The following USP37 variants were observed in gnomAD, a reference collection of about 807,000 sequenced individuals.
USP37 encodes the protein ubiquitin specific peptidase 37, also known as ubiquitin carboxyl-terminal hydrolase 37.
USP37 carries 27 observed loss-of-function variants against 124.0 expected under a neutral mutation model. The ratio of observed to expected loss-of-function variants is 0.22; its 90% CI spans 0.16 to 0.30. The LOEUF is 0.30. Among genes scored for constraint, USP37 ranks in the 10% least tolerant of loss-of-function variants. The probability of loss-of-function intolerance (pLI) is 1.00; values close to 1 mark genes in which losing one functional copy is unlikely to be tolerated. For missense variants in USP37, 889 were observed against 1,140.4 expected (o/e 0.78, Z 3.17); for synonymous variants, 365 against 388.0 (o/e 0.94, Z 0.70).
rs757791848 is a variant in USP37 at position 218,488,399 on chromosome 2, T to C, written c.1495A>G (p.Arg499Gly). ...CKACGEIIPK[R>G]EQFNDLSIDL... ...ATAGAGAGGTCATTAAACTGTTCTC[T>C]TTTGGGGATAATCTCTCCACATCTG... Residue 499 changes from arginine (R) to glycine (G), a missense_variant, in exon 15 of 26, where the codon AGA (arginine) becomes GGA (glycine). Arg to Gly is a moderately radical substitution (Grantham distance 125, BLOSUM62 -2). Transcript: ENST00000258399. 3 of 1,609,986 alleles carry C rather than the reference T, an allele frequency of 1.9e-6. No individual in the cohort carries two copies. The highest frequency in any genetic ancestry group is 2.5e-6 in the Non-Finnish European group (3 of 1,178,260).
At chr2:218,491,314 A>G (rs1691931978) in intron 14 of USP37, among the ~76,000 whole-genome samples, 1 of 152,226 alleles carries the variant, frequency 6.6e-6, no homozygotes, top group African/African-American at 2.4e-5. Flanking sequence ...GCAAGGATCT[A>G]TAGGCAGCCT....
intron 10 of USP37, chr2:218,514,357 A>C (rs1690161618): frequency 6.6e-6 from 1 of 152,110 alleles, no homozygotes; most frequent in Non-Finnish European, 1.5e-5. Flanking sequence ...TACTCGTACA[A>C]TCCTCAATTT....
At chr2:218,478,946 C>T (rs755584826) in intron 18 of USP37, among the ~76,000 whole-genome samples, 6 of 152,096 alleles carry the variant, frequency 3.9e-5, no homozygotes, top group Non-Finnish European at 8.8e-5. Context: ...CCCAAAAGCC[C>T]TTAAACAACA....
chr2:218,487,845 T>C (rs904053589), intron 15 of USP37, among the ~76,000 whole-genome samples: 1 of 151,946 alleles, frequency 6.6e-6, no homozygotes, highest in African/African-American at 2.4e-5. Context: ...ATAATAATAA[T>C]TTACAAAAAC....
At chr2:218,477,042 G>T in intron 18 of USP37, 61 bp from the exon 19 acceptor site, 1 of 1,406,634 alleles carries the variant, frequency 7.1e-7, no homozygotes. Context: ...TTCTTTTATT[G>T]TAAAAATATC....
intron 14 of USP37, 49 bp downstream of exon 14, chr2:218,495,711 C>T (rs1689047456): frequency 6.5e-7 from 1 of 1,535,064 alleles, no homozygotes; most frequent in African/African-American, 1.4e-5. Context: ...ATTTTAATCA[C>T]TTGCCATAAA....
chr2:218,483,286 G>A (rs1339999782), intron 16 of USP37, among the ~76,000 whole-genome samples: 1 of 151,044 alleles, frequency 6.6e-6, no homozygotes, highest in Admixed American at 6.6e-5. Flanking sequence ...TATGCATGGA[G>A]CAGTAAAAGG....
intron 10 of USP37, among the ~76,000 whole-genome samples, chr2:218,517,161 C>T (rs1690337466): frequency 1.3e-5 from 2 of 152,220 alleles, no homozygotes; most frequent in South Asian, 4.1e-4. Flanking sequence ...CTTTTACCTT[C>T]TCCTGGATAA....
At position 218,522,062 on chromosome 2, in the gene USP37, G is replaced by C. The variant is rs561475079; in HGVS notation, c.863+7894C>G. Among the ~76,000 whole-genome samples the C allele has an allele frequency of 3.0e-5, 4 of 134,848 alleles. No individual in the cohort carries two copies. In the Admixed American group the frequency reaches 3.2e-4, roughly 11 times the overall value. The allele number at this position is 134,848 out of a possible 152,430, so 88.5% of individuals were successfully genotyped here. ...GCTTTTTTTTTTTTTTTTTTGTAGAGACAGGGTCTCACCATGTTGCCAGGG... is the reference window on the plus strand; with the variant it reads ...GCTTTTTTTTTTTTTTTTTTGTAGACACAGGGTCTCACCATGTTGCCAGGG... On this transcript the variant is annotated intron_variant, in intron 10 of 25. Coordinates refer to ENST00000258399, the MANE Select transcript of USP37 (RefSeq NM_020935.3).
At chr2:218,564,999 G>C (rs1301193855) in intron 1 of USP37, among the ~76,000 whole-genome samples, 1 of 152,072 alleles carries the variant, frequency 6.6e-6, no homozygotes, top group African/African-American at 2.4e-5. Flanking sequence ...TTGGCTCACT[G>C]CAACCTCCAC....
chr2:218,471,868 A>G (rs1690709337), intron 20 of USP37, among the ~76,000 whole-genome samples: 1 of 151,968 alleles, frequency 6.6e-6, no homozygotes, highest in South Asian at 2.1e-4. Context: ...TCTATTAAAA[A>G]CACACAAGAA....
intron 11 of USP37, among the ~76,000 whole-genome samples, chr2:218,506,605 CT>C (rs35770553): frequency 0.051 from 6,977 of 136,198 alleles, 222 homozygotes; most frequent in East Asian, 0.13. Flanking sequence ...TTTTATACTT[CT>C]TTTTTTTTTT....
In USP37 at chr2:218,477,130, T is replaced by C. The variant is rs1264962019; in HGVS notation, c.1902-149A>G. On this transcript the variant is annotated intron_variant, in intron 18 of 25. Transcript: ENST00000258399. Reference sequence around the variant, plus strand: ...TATCAAAAGAGGTATATTTCAGCATTACCTTTGCCCCACTCCAAAAGAGCC... The same window carrying C: ...TATCAAAAGAGGTATATTTCAGCATCACCTTTGCCCCACTCCAAAAGAGCC... 1.1e-5 allele frequency: 10 copies of C among 948,806 alleles called. No homozygotes were observed. The East Asian group carries it at 1.8e-4, about 17-fold the overall frequency. The allele number at this position is 948,806 out of a possible 1,614,324, so 58.8% of individuals were successfully genotyped here.
intron 14 of USP37, among the ~76,000 whole-genome samples, chr2:218,493,964 C>T (rs1417869587): frequency 6.6e-6 from 1 of 152,240 alleles, no homozygotes; most frequent in Non-Finnish European, 1.5e-5. Flanking sequence ...CTCACTTTGA[C>T]TTGCACAAAT....
chr2:218,461,682 T>C (rs1292941401), intron 22 of USP37, among the ~76,000 whole-genome samples: 1 of 151,876 alleles, frequency 6.6e-6, no homozygotes, highest in Non-Finnish European at 1.5e-5. Context: ...CCAATTTATA[T>C]CACTGAATGT....
At position 218,454,563 on chromosome 2, in the gene USP37, G is replaced by A. The variant is rs1689590735; in HGVS notation, c.*367C>T. 1.2e-5 allele frequency: 2 copies of A among 170,014 alleles called. No individual in the cohort carries two copies. The highest frequency in any genetic ancestry group is 1.6e-4 in the East Asian group (1 of 6,178). The allele number at this position is 170,014 out of a possible 1,614,324, so 10.5% of individuals were successfully genotyped here. A position where few individuals can be genotyped will look rare whatever the true frequency, so the allele number is the denominator to read the frequency against. On this transcript the variant is annotated 3_prime_UTR_variant, in exon 26 of 26. Transcript: ENST00000258399. The stretch of plus-strand genomic sequence containing the variant: ...CAAACTGCTGTGCTATTAATTTTGA[G>A]CAGGCATATTCTGGTGGCTCATCCT...
intron 8 of USP37, among the ~76,000 whole-genome samples, chr2:218,538,195 T>C (rs1477039708): frequency 6.6e-6 from 1 of 152,220 alleles, no homozygotes; most frequent in Non-Finnish European, 1.5e-5. Flanking sequence ...TGTTGCACTA[T>C]AGTCCCACTA....
intron 10 of USP37, among the ~76,000 whole-genome samples, chr2:218,518,659 A>G (rs1426061434): frequency 6.6e-6 from 1 of 152,210 alleles, no homozygotes; most frequent in Non-Finnish European, 1.5e-5. Context: ...AGGAAAATAT[A>G]AAACCGGTTA....
intron 16 of USP37, among the ~76,000 whole-genome samples, chr2:218,484,074 G>A (rs1336971505): frequency 6.6e-6 from 1 of 151,782 alleles, no homozygotes. Context: ...CAGGAGAATC[G>A]CTTGAACCCA....
Sources: gnomAD v4.1 joint callset for allele counts (sites outside exome capture counted in the v4.1 genomes callset) on GRCh38, gnomAD v4.1.1 for gene constraint, MANE v1.5 for transcripts, NCBI Gene and HGNC (gene_info 2026-07-23, HGNC 2026-07-21) for gene names.